The following PPFIA2 variants were observed in gnomAD, a reference collection of about 807,000 sequenced individuals.
PPFIA2 encodes the protein liprin-alpha-2.
Under a neutral mutation model 175.5 loss-of-function variants are expected in PPFIA2, and 46 were observed. The ratio of observed to expected loss-of-function variants is 0.26; its 90% confidence interval spans 0.21 to 0.34. The LOEUF (loss-of-function observed/expected upper bound fraction) is 0.34, where lower values mean the gene tolerates loss of function less well. Ranked by LOEUF, PPFIA2 falls within the 10% of genes least tolerant of loss-of-function variation. The pLI is 1.00. For missense variants in PPFIA2, 1,179 were observed against 1,506.1 expected (o/e 0.78, Z 3.60); for synonymous variants, 568 against 511.4 (o/e 1.11, Z -1.49).
intron 22 of PPFIA2, among the ~76,000 whole-genome samples, chr12:81,317,135 C>T (rs1401353729): frequency 6.6e-6 from 1 of 151,352 alleles, no homozygotes; most frequent in African/African-American, 2.4e-5. Context: ...ATGTCATTAG[C>T]ATGCAAAGGA....
chr12:81,598,487 C>T, intron 4 of PPFIA2: 1 of 457,096 alleles, frequency 2.2e-6, no homozygotes, highest in South Asian at 8.9e-5. Flanking sequence ...TTCAGAGGAC[C>T]TCTTCTGACT....
At chr12:81,387,541 G>C (rs2039254021) in intron 8 of PPFIA2, among the ~76,000 whole-genome samples, 1 of 152,060 alleles carries the variant, frequency 6.6e-6, no homozygotes, top group Non-Finnish European at 1.5e-5. Context: ...ATAGCTGAGA[G>C]AATCAAAATT....
At chr12:81,550,963 G>A (rs2153368477) in intron 4 of PPFIA2, among the ~76,000 whole-genome samples, 2 of 152,008 alleles carry the variant, frequency 1.3e-5, no homozygotes. Flanking sequence ...GTTATCAATG[G>A]TGATAAATGG....
intron 5 of PPFIA2, among the ~76,000 whole-genome samples, chr12:81,451,702 CA>C (rs1180188221): frequency 1.3e-5 from 2 of 151,940 alleles, no homozygotes; most frequent in African/African-American, 4.8e-5. Flanking sequence ...TCCCCAATAC[CA>C]AGGAAAATAT....
chr12:81,312,384 T>C (rs1006000569), intron 22 of PPFIA2: 45 of 562,856 alleles, frequency 8.0e-5, no homozygotes, highest in Non-Finnish European at 1.4e-4. Flanking sequence ...GTAGTTCTAA[T>C]AGTTGACCAA....
At chr12:81,267,150 C>A in intron 29 of PPFIA2, 130 bp from the exon 30 acceptor site, 1 of 702,086 alleles carries the variant, frequency 1.4e-6, no homozygotes, top group Non-Finnish European at 2.4e-6. Flanking sequence ...TTTAGCCCTC[C>A]ATGTCTGTTA....
At chr12:81,502,755 C>A (rs1244568840) in intron 4 of PPFIA2, among the ~76,000 whole-genome samples, 3 of 152,238 alleles carry the variant, frequency 2.0e-5, no homozygotes, top group Admixed American at 6.5e-5. Flanking sequence ...AATACCACTG[C>A]TACATTAATC....
At chr12:81,683,182 T>C (rs1229645285) in intron 3 of PPFIA2, among the ~76,000 whole-genome samples, 1 of 152,080 alleles carries the variant, frequency 6.6e-6, no homozygotes, top group Non-Finnish European at 1.5e-5. Flanking sequence ...TCTTATTAAA[T>C]GACATCACCA....
At chr12:81,342,391 T>C (rs1360684319) in intron 19 of PPFIA2, among the ~76,000 whole-genome samples, 1 of 152,064 alleles carries the variant, frequency 6.6e-6, no homozygotes, top group African/African-American at 2.4e-5. Context: ...ATTTTTAAAG[T>C]TCTAGGGAAA....
chr12:81,265,291 C>CAAAAAAAAAA (rs571821814), intron 30 of PPFIA2, among the ~76,000 whole-genome samples: 11 of 69,988 alleles, frequency 1.6e-4, no homozygotes, highest in African/African-American at 6.9e-4. Flanking sequence ...GAAACTCTGT[C>CAAAAAAAAAA]AAAAAAAAAA....
At chr12:81,673,870 TTTTC>T (rs1262131166) in intron 4 of PPFIA2, among the ~76,000 whole-genome samples, 15 of 151,876 alleles carry the variant, frequency 9.9e-5, no homozygotes, top group African/African-American at 3.1e-4. Context: ...GAATGAGTGA[TTTTC>T]TTTTTCTTTA....
At chr12:81,712,572 G>C (rs1245940593) in intron 3 of PPFIA2, among the ~76,000 whole-genome samples, 1 of 151,132 alleles carries the variant, frequency 6.6e-6, no homozygotes, top group Non-Finnish European at 1.5e-5. Context: ...TGTATAGGTT[G>C]CATTTTAGAA....
intron 22 of PPFIA2, among the ~76,000 whole-genome samples, chr12:81,301,923 C>A (rs1230339350): frequency 1.3e-5 from 2 of 152,146 alleles, no homozygotes; most frequent in African/African-American, 4.8e-5. Flanking sequence ...TATTGCCCTT[C>A]TAACATAGTA....
At chr12:81,477,378 A>T (rs909932055) in intron 4 of PPFIA2, among the ~76,000 whole-genome samples, 9 of 152,186 alleles carry the variant, frequency 5.9e-5, no homozygotes, top group African/African-American at 2.2e-4. Flanking sequence ...ATTATGAAGA[A>T]GTCAGGAAAA....
intron 19 of PPFIA2, among the ~76,000 whole-genome samples, chr12:81,341,733 C>T (rs1020589004): frequency 6.6e-6 from 1 of 152,052 alleles, no homozygotes; most frequent in Non-Finnish European, 1.5e-5. Flanking sequence ...TGTTTATTGA[C>T]ATTGATCTAT....
At chr12:81,267,727 GATTT>G (rs1279073284) in intron 29 of PPFIA2, among the ~76,000 whole-genome samples, 181 bp downstream of exon 29, 2 of 136,968 alleles carry the variant, frequency 1.5e-5, no homozygotes, top group African/African-American at 2.9e-5. Flanking sequence ...TTAATTGTAT[GATTT>G]TTTTTTTTTT....
At chr12:81,429,671 G>C (rs2047748456) in intron 7 of PPFIA2, among the ~76,000 whole-genome samples, 1 of 151,986 alleles carries the variant, frequency 6.6e-6, no homozygotes, top group Admixed American at 6.6e-5. Flanking sequence ...TTATAACACT[G>C]ATTTTATTCT....
At chr12:81,482,370 C>T (rs1298936940) in intron 4 of PPFIA2, among the ~76,000 whole-genome samples, 2 of 152,146 alleles carry the variant, frequency 1.3e-5, no homozygotes, top group African/African-American at 4.8e-5. Context: ...TCATTTGATC[C>T]AGCAATCCCA....
chr12:81,309,637 C>T (rs889697646), intron 22 of PPFIA2, among the ~76,000 whole-genome samples: 2 of 151,864 alleles, frequency 1.3e-5, no homozygotes, highest in African/African-American at 2.4e-5. Flanking sequence ...TATTCAGATT[C>T]CAGTAAAACA....
Sources: gnomAD v4.1 joint callset for allele counts (sites outside exome capture counted in the v4.1 genomes callset) on GRCh38, gnomAD v4.1.1 for gene constraint, MANE v1.5 for transcripts, NCBI Gene and HGNC (gene_info 2026-07-23, HGNC 2026-07-21) for gene names.